The following DDX46 variants were observed in gnomAD, a reference collection of about 807,000 sequenced individuals.
DDX46 encodes probable ATP-dependent RNA helicase DDX46.
In DDX46, 30 loss-of-function variants were observed where a neutral mutation model predicts 134.9. That is an observed-to-expected ratio of 0.22 (90% CI 0.17 to 0.30). The LOEUF (loss-of-function observed/expected upper bound fraction) is 0.30. Among genes scored for constraint, DDX46 ranks in the 10% least tolerant of loss-of-function variants. The pLI, the probability that DDX46 is intolerant of heterozygous loss-of-function variation, is 1.00. For missense variants in DDX46, 622 were observed against 1,248.7 expected, an observed-to-expected ratio of 0.50 and a Z score of 7.56; for synonymous variants, 415 against 404.1, an observed-to-expected ratio of 1.03 and a Z score of -0.32.
intron 15 of DDX46, among the ~76,000 whole-genome samples, chr5:134,806,799 C>A (rs1755001452): frequency 6.6e-6 from 1 of 152,078 alleles, no homozygotes; most frequent in Non-Finnish European, 1.5e-5. Flanking sequence ...TCTCTATTAC[C>A]AGAGTTTCCT....
At chr5:134,770,028 T>C (rs1046847161) in intron 3 of DDX46, among the ~76,000 whole-genome samples, 2 of 152,080 alleles carry the variant, frequency 1.3e-5, no homozygotes, top group African/African-American at 2.4e-5. Flanking sequence ...TACCTAAATA[T>C]TGGAATACAA....
chr5:134,828,610 T>C (rs1580826831), intron 22 of DDX46, 49 bp from the exon 23 acceptor site: 2 of 1,338,354 alleles, frequency 1.5e-6, no homozygotes, highest in Non-Finnish European at 9.9e-7. Context: ...TTTTTTTGTT[T>C]TTTTTGTTTT....
At chr5:134,821,019 G>A (rs1173595915) in intron 21 of DDX46, among the ~76,000 whole-genome samples, 16 of 148,478 alleles carry the variant, frequency 1.1e-4, no homozygotes, top group Non-Finnish European at 2.2e-4. Flanking sequence ...GTGCCCCCCC[G>A]CCACACCTAG....
intron 15 of DDX46, among the ~76,000 whole-genome samples, chr5:134,803,229 G>T (rs918890865): frequency 6.6e-5 from 10 of 152,032 alleles, no homozygotes; most frequent in African/African-American, 2.4e-4. Flanking sequence ...CCTGACCTCA[G>T]GTGATCCACC....
intron 7 of DDX46, 60 bp downstream of exon 7, chr5:134,781,306 G>T (rs1754146166): frequency 1.5e-6 from 2 of 1,305,814 alleles, no homozygotes; most frequent in Non-Finnish European, 2.1e-6. Context: ...TTATTAGAAA[G>T]CATTCATGGA....
At chr5:134,761,024 C>T (rs1379665097) in intron 1 of DDX46, among the ~76,000 whole-genome samples, 4 of 151,880 alleles carry the variant, frequency 2.6e-5, no homozygotes, top group African/African-American at 7.2e-5. Context: ...CCACCGCACC[C>T]GGCCTGTTTT....
chr5:134,809,806 C>G (rs889953204), intron 16 of DDX46, among the ~76,000 whole-genome samples: 4 of 151,852 alleles, frequency 2.6e-5, no homozygotes, highest in Non-Finnish European at 5.9e-5. Context: ...GTTGGGAGTT[C>G]AAGACCAGCC....
chr5:134,808,100 A>C (rs1480410044), intron 16 of DDX46, among the ~76,000 whole-genome samples, 159 bp downstream of exon 16: 1 of 152,194 alleles, frequency 6.6e-6, no homozygotes, highest in Admixed American at 6.5e-5. Flanking sequence ...ATATACATGT[A>C]CAGGTCTAAG....
intron 1 of DDX46, among the ~76,000 whole-genome samples, chr5:134,761,598 C>T (rs1391639165): frequency 6.6e-6 from 1 of 152,174 alleles, no homozygotes; most frequent in Admixed American, 6.6e-5. Context: ...CTTCCTTGAA[C>T]TACAGGCTAA....
In DDX46 at chr5:134,811,677, C is replaced by G. The variant is rs750977119; in HGVS notation, c.2287-19C>G. 6 of 1,576,616 alleles carry G rather than the reference C, an allele frequency of 3.8e-6. No individual in the cohort carries two copies. In the East Asian group the frequency reaches 1.3e-4, roughly 35 times the overall value. On this transcript the variant is annotated intron_variant, in intron 17 of 22. Transcript: ENST00000452510. ...AAAGTTTTTACTATGAGATTAACTT[C>G]GTTTTCTTTTTTTGAAAGGAGGGGA...
intron 6 of DDX46, among the ~76,000 whole-genome samples, chr5:134,778,815 C>A (rs1754036029): frequency 6.6e-6 from 1 of 152,086 alleles, no homozygotes; most frequent in South Asian, 2.1e-4. Context: ...CTCAGGTGAT[C>A]CTCCCGCCTT....
chr5:134,826,839 AGT>A, intron 21 of DDX46, 106 bp from the exon 22 acceptor site: 1 of 1,004,256 alleles, frequency 1.0e-6, no homozygotes, highest in Middle Eastern at 2.1e-4. Context: ...CAGGCAGTAC[AGT>A]GTTTCTGAAA....
At chr5:134,797,167 C>CAA (rs61547263) in intron 15 of DDX46, 756 of 22,552 alleles carry the variant, frequency 0.034, 73 homozygotes, top group Non-Finnish European at 0.045. Flanking sequence ...AACTCCGTCT[C>CAA]AAAAAAAAAA....
chr5:134,791,983 C>T (rs1184387081), intron 13 of DDX46, among the ~76,000 whole-genome samples: 4 of 152,070 alleles, frequency 2.6e-5, no homozygotes, highest in African/African-American at 9.7e-5. Context: ...ATCAGCCTAG[C>T]CTGGCCAACA....
chr5:134,811,685 T>C lies in DDX46; in HGVS notation c.2287-11T>C. ...TACTATGAGATTAACTTCGTTTTCT[T>C]TTTTTGAAAGGAGGGGAAAATAATT... is the stretch of plus-strand genomic sequence containing the variant. On this transcript the variant is annotated splice_polypyrimidine_tract_variant and intron_variant, in intron 17 of 22. Coordinates refer to ENST00000452510, the MANE Select transcript of DDX46 (RefSeq NM_001300860.2). The C allele has an allele frequency of 6.3e-7, 1 of 1,579,302 alleles. No individual in the cohort carries two copies.
At chr5:134,810,180 TG>T (rs1411160616) in intron 16 of DDX46, among the ~76,000 whole-genome samples, 11 of 151,714 alleles carry the variant, frequency 7.3e-5, no homozygotes, top group Non-Finnish European at 1.2e-4. Flanking sequence ...CCCCAAGTGC[TG>T]GGATTACAGG....
intron 15 of DDX46, chr5:134,805,046 AT>A: frequency 5.8e-6 from 2 of 342,600 alleles, no homozygotes; most frequent in South Asian, 5.8e-5. Flanking sequence ...AAACAATTCT[AT>A]TACCAGGGAT....
intron 5 of DDX46, among the ~76,000 whole-genome samples, chr5:134,775,589 T>A (rs917811774): frequency 8.5e-5 from 13 of 152,104 alleles, no homozygotes; most frequent in African/African-American, 3.1e-4. Context: ...TTTTTTGTAT[T>A]TTTAGTAGAG....
rs1436342686 is a variant in DDX46, at chr5:134,830,134, A to G, written c.*1428A>G. The G allele has an allele frequency of 1.3e-5, 2 of 151,012 alleles. No individual in the cohort carries two copies. The highest frequency in any genetic ancestry group is 4.9e-5 in the African/African-American group (2 of 41,178). 9.4% of individuals were successfully genotyped at this position (151,012 alleles called of 1,614,324 possible). ...CAGTCTTTTATATCCAAGGGTTTCA[A>G]ACCCACAGATTAAACCAACCACAGA... On this transcript the variant is annotated 3_prime_UTR_variant, in exon 23 of 23. Transcript: ENST00000452510.
Sources: allele counts gnomAD v4.1 joint callset (sites outside exome capture counted in the v4.1 genomes callset), GRCh38; gene constraint gnomAD v4.1.1; transcripts MANE v1.5; gene names NCBI Gene and HGNC (gene_info 2026-07-23, HGNC 2026-07-21).